Variants in SLC43A3 observed in about 807,000 individuals in gnomAD.
The protein encoded by SLC43A3 is equilibrative nucleobase transporter 1.
In SLC43A3, 33 loss-of-function variants were observed where a neutral mutation model predicts 53.3. The observed-to-expected ratio is 0.62, with a 90% confidence interval of 0.47 to 0.83. SLC43A3 has a LOEUF of 0.83. Ranked by LOEUF, SLC43A3 falls within the 40% of genes least tolerant of loss-of-function variation. SLC43A3 has a pLI of 0.00. For synonymous variants in SLC43A3, 236 were observed against 246.2 expected (o/e 0.96, Z 0.39); for missense variants, 530 against 610.0 (o/e 0.87, Z 1.38).
chr11:57,420,949 A>T, intron 7 of SLC43A3, 23 bp downstream of exon 7: 1 of 1,480,166 alleles, frequency 6.8e-7, no homozygotes. Context: ...TGCCCAGTGA[A>T]TGTAGGCTGT....
In SLC43A3 at chr11:57,409,197, G is replaced by C; in HGVS notation, c.1349C>G (p.Ser450Cys). Residue 450 changes from serine to cysteine, a missense_variant, in exon 13 of 14, where the codon TCC becomes TGC. Physicochemically the swap from Ser to Cys is moderately radical, Grantham distance 112. Transcript: ENST00000395124. The part of the protein sequence containing the change: ...QFPIFTLIKG[S>C]LQNDPFYVNV... The stretch of plus-strand genomic sequence containing the variant: ...CACGTAAAATGGGTCATTCTGAAGG[G>C]AGCCTTTGATGAGGGTGAAGATGGG... The C allele has an allele frequency of 1.2e-6, 2 of 1,614,198 alleles. No homozygotes were observed. The highest frequency in any genetic ancestry group is 1.7e-6 in the Non-Finnish European group (2 of 1,180,026).
intron 12 of SLC43A3, 130 bp downstream of exon 12, chr11:57,409,804 AC>A (rs1942368827): frequency 1.2e-6 from 1 of 807,352 alleles, no homozygotes. Flanking sequence ...CCCCCTCCAC[AC>A]CTGCCCCCAA....
Position 57,409,953 on chromosome 11 carries a change from G to T in SLC43A3, c.1229C>A (p.Ala410Glu). The change falls in exon 12 of 14, where the codon GCG (alanine) becomes GAG (glutamate). Residue 410 changes from alanine to glutamate, a missense_variant. Ala to Glu is a moderately radical substitution (Grantham distance 107). This residue lies in a region of SLC43A3 where 124 missense variants were observed against 166.4 expected (regional missense o/e 0.75). Transcript: ENST00000395124. ...ISRSFLYGSN[A>E]AFLTLAFPSE... is the part of the protein sequence containing the mutation. Reference sequence around the variant, plus strand: ...CACTTACGCAAGGGTGAGGAAGGCCGCGTTGCTCCCATAGAGGAAGGAGCG... The same window carrying T: ...CACTTACGCAAGGGTGAGGAAGGCCTCGTTGCTCCCATAGAGGAAGGAGCG... The T allele has an allele frequency of 6.2e-7, 1 of 1,612,232 alleles. No individual in the cohort carries two copies. The highest frequency in any genetic ancestry group is 8.5e-7 in the Non-Finnish European group (1 of 1,179,296).
In SLC43A3 at chr11:57,409,197, G is replaced by T; in HGVS notation, c.1349C>A (p.Ser450Tyr). 6.2e-7 allele frequency: 1 copy of T among 1,614,198 alleles called. No individual in the cohort carries two copies. The highest frequency in any genetic ancestry group is 8.5e-7 in the Non-Finnish European group (1 of 1,180,026). ...QFPIFTLIKG[S>Y]LQNDPFYVNV... ...CACGTAAAATGGGTCATTCTGAAGG[G>T]AGCCTTTGATGAGGGTGAAGATGGG... The change falls in exon 13 of 14, where the codon TCC becomes TAC. Residue 450 changes from serine (S) to tyrosine (Y), a missense_variant. Ser to Tyr is a moderately radical substitution (Grantham distance 144). This residue lies in a region of SLC43A3 where 124 missense variants were observed against 166.4 expected (regional missense o/e 0.75). Coordinates refer to ENST00000395124, the MANE Select transcript of SLC43A3 (RefSeq NM_199329.3).
chr11:57,421,993 A>G (rs551747075), intron 5 of SLC43A3, among the ~76,000 whole-genome samples: 1 of 152,354 alleles, frequency 6.6e-6, no homozygotes, highest in East Asian at 1.9e-4. Context: ...ACATGCAAAC[A>G]AATGGTTATA....
intron 9 of SLC43A3, 23 bp from the exon 10 acceptor site, chr11:57,415,129 G>A (rs1942656957): frequency 6.3e-7 from 1 of 1,594,210 alleles, no homozygotes; most frequent in Admixed American, 1.7e-5. Flanking sequence ...GGAGGATCTG[G>A]GCGTGAATTA....
rs1288267264 is a variant in SLC43A3, at chr11:57,425,100, A to AG, written c.314+440dup. Among the ~76,000 whole-genome samples, 10 of 140,436 alleles carry AG rather than the reference A, an allele frequency of 7.1e-5. No individual in the cohort carries two copies. In the East Asian group the frequency reaches 1.9e-3, roughly 27 times the overall value. 92.1% of individuals were successfully genotyped at this position (140,436 alleles called of 152,430 possible). A position where few individuals can be genotyped will look rare whatever the true frequency, so the allele number is the denominator to read the frequency against. ...GGAGTGATTGGCTGTTGGGGCGGGG[A>AG]GGGGGGGCGGTGAGGAGGATGAGGA... On this transcript the variant is annotated intron_variant, in intron 4 of 13. Transcript: ENST00000395124.
intron 7 of SLC43A3, among the ~76,000 whole-genome samples, chr11:57,420,068 C>G (rs943172910): frequency 6.6e-6 from 1 of 152,154 alleles, no homozygotes; most frequent in African/African-American, 2.4e-5. Context: ...TAACACTAAG[C>G]CCAGAGAGAA....
At chr11:57,415,342 C>G (rs779407238) in intron 9 of SLC43A3, 1 of 1,498,110 alleles carries the variant, frequency 6.7e-7, no homozygotes, top group Admixed American at 2.0e-5. Context: ...TATTGAAATC[C>G]GATCTGTCTC....
intron 8 of SLC43A3, 119 bp from the exon 9 acceptor site, chr11:57,416,789 G>T: frequency 1.3e-6 from 1 of 756,748 alleles, no homozygotes; most frequent in Non-Finnish European, 2.2e-6. Flanking sequence ...TCACCTTTTA[G>T]CCACTCTGAT....
chr11:57,415,203 C>G (rs375018912), intron 9 of SLC43A3, 97 bp from the exon 10 acceptor site: 9 of 1,561,978 alleles, frequency 5.8e-6, no homozygotes, highest in Non-Finnish European at 7.8e-6. Flanking sequence ...CAGATCCGGG[C>G]CCACCTTCTA....
chr11:57,415,389 C>A, intron 9 of SLC43A3: 1 of 1,420,808 alleles, frequency 7.0e-7, no homozygotes, highest in Non-Finnish European at 9.3e-7. Context: ...GCAGTAATAC[C>A]TTCCTGATCT....
chr11:57,424,262 C>T (rs530395304), intron 4 of SLC43A3, among the ~76,000 whole-genome samples: 3 of 152,186 alleles, frequency 2.0e-5, no homozygotes, highest in Admixed American at 6.5e-5. Flanking sequence ...CATTCTGAGG[C>T]CCAAGGCTAG....
In SLC43A3 at chr11:57,409,927, C is replaced by T; in HGVS notation, c.1247+8G>A. 6.2e-7 allele frequency: 1 copy of T among 1,603,348 alleles called. No homozygotes were observed. The highest frequency in any genetic ancestry group is 1.3e-5 in the African/African-American group (1 of 74,772). On this transcript the variant is annotated splice_region_variant and intron_variant, in intron 12 of 13. Coordinates refer to ENST00000395124, the MANE Select transcript of SLC43A3 (RefSeq NM_199329.3). ...CGTCTCCACAGAGCCCGCCCCAAGG[C>T]CACTTACGCAAGGGTGAGGAAGGCC... is the stretch of plus-strand genomic sequence containing the variant.
intron 8 of SLC43A3, among the ~76,000 whole-genome samples, chr11:57,417,467 T>A (rs1053808964): frequency 2.0e-5 from 3 of 152,170 alleles, no homozygotes; most frequent in African/African-American, 7.2e-5. Flanking sequence ...CCAGCCCCCA[T>A]GTAATCCTCC....
At chr11:57,411,240 T>C (rs1366885205) in intron 11 of SLC43A3, among the ~76,000 whole-genome samples, 3 of 151,870 alleles carry the variant, frequency 2.0e-5, no homozygotes, top group Non-Finnish European at 4.4e-5. Flanking sequence ...ACAAATAAAA[T>C]AAAATAATAA....
Position 57,414,075 on chromosome 11 carries a change from GACTGAGAAC to G in SLC43A3, c.1060+531_1060+539del, listed in dbSNP as rs1942604058. Among the ~76,000 whole-genome samples the G allele has an allele frequency of 2.6e-5, 4 of 152,298 alleles. No individual in the cohort carries two copies. In the South Asian group the frequency reaches 8.3e-4, roughly 32 times the overall value. ...ACTACCTGCCTTTCTCCACCCTCTA[GACTGAGAAC>G]ACCTTGAGAAAAAGAACACATCTAT... On this transcript the variant is annotated intron_variant, in intron 11 of 13. Coordinates refer to ENST00000395124, the MANE Select transcript of SLC43A3 (RefSeq NM_199329.3).
In SLC43A3 at chr11:57,425,651, C is replaced by T; in HGVS notation, c.204G>A (p.Glu68=). ...CCAGGGTGAAGATGAGTGAGAACCT[C>T]TCATCCTGGGCTTTGCAGTCTGGAG... ...TGQADCKAQD[E]RFSLIFTLGS... is the part of the protein sequence containing the mutation. The change falls in exon 4 of 14, where the codon GAG becomes GAA. Residue 68 remains glutamate, a synonymous_variant. Transcript: ENST00000395124. 6.2e-7 allele frequency: 1 copy of T among 1,614,146 alleles called. No individual in the cohort carries two copies. Among genetic ancestry groups the T allele is most frequent in the Non-Finnish European group, 8.5e-7 (1 of 1,180,016 alleles).
At chr11:57,408,353 G>A (rs1942297205) in intron 13 of SLC43A3, 1 of 157,746 alleles carries the variant, frequency 6.3e-6, no homozygotes, top group Non-Finnish European at 1.4e-5. Context: ...CTTGAGGCCA[G>A]GAATTCAAAA....
Sources: gnomAD v4.1 joint callset for allele counts (sites outside exome capture counted in the v4.1 genomes callset) on GRCh38, gnomAD v4.1.1 for gene constraint, gnomAD v4.1.1 regional missense constraint, MANE v1.5 for transcripts, NCBI Gene and HGNC (gene_info 2026-07-23, HGNC 2026-07-21) for gene names.